Variants in MAGI2 observed in about 807,000 individuals in gnomAD.
The protein encoded by MAGI2 is membrane associated guanylate kinase, WW and PDZ domain containing 2.
Under a neutral mutation model 133.3 loss-of-function variants are expected in MAGI2, and 35 were observed. The observed-to-expected ratio is 0.26, with a 90% confidence interval of 0.20 to 0.35. The LOEUF (loss-of-function observed/expected upper bound fraction) is 0.35, where lower values mean the gene tolerates loss of function less well. MAGI2 is among the 10% of genes least tolerant of loss of function. The pLI is 1.00. For missense variants in MAGI2, 1,636 were observed against 1,863.4 expected, an observed-to-expected ratio of 0.88 and a Z score of 2.25; for synonymous variants, 729 against 710.6, an observed-to-expected ratio of 1.03 and a Z score of -0.41.
intron 3 of MAGI2, among the ~76,000 whole-genome samples, chr7:78,585,269 T>C (rs1803277672): frequency 6.6e-6 from 1 of 152,150 alleles, no homozygotes; most frequent in South Asian, 2.1e-4. Context: ...CTCACTAAAA[T>C]TGTGTTAGAC....
intron 21 of MAGI2, among the ~76,000 whole-genome samples, chr7:78,068,436 G>A (rs1814084982): frequency 6.6e-6 from 1 of 152,106 alleles, no homozygotes; most frequent in Non-Finnish European, 1.5e-5. Context: ...TGTGGACTCT[G>A]AGTGATAACA....
At chr7:78,773,695 C>T (rs1479680318) in intron 2 of MAGI2, among the ~76,000 whole-genome samples, 1 of 152,104 alleles carries the variant, frequency 6.6e-6, no homozygotes, top group Non-Finnish European at 1.5e-5. Context: ...TCGAACTGAG[C>T]CTTTAAGTAT....
intron 20 of MAGI2, among the ~76,000 whole-genome samples, chr7:78,114,766 G>C (rs1819691880): frequency 6.6e-6 from 1 of 152,192 alleles, no homozygotes; most frequent in South Asian, 2.1e-4. Flanking sequence ...GCAGGACTGT[G>C]TGGCAGTGGC....
At chr7:78,111,398 A>T (rs1819346986) in intron 20 of MAGI2, among the ~76,000 whole-genome samples, 1 of 152,174 alleles carries the variant, frequency 6.6e-6, no homozygotes, top group African/African-American at 2.4e-5. Flanking sequence ...CCAAGATGCA[A>T]TCTCAGCCCT....
chr7:79,129,484 T>A (rs1426841765), intron 1 of MAGI2, among the ~76,000 whole-genome samples: 1 of 152,212 alleles, frequency 6.6e-6, no homozygotes, highest in Non-Finnish European at 1.5e-5. Flanking sequence ...TTCAGGATTA[T>A]TAAATCCATC....
In MAGI2 at chr7:78,891,462, C is replaced by T. The variant is rs536643344; in HGVS notation, c.418+115628G>A. Among the ~76,000 whole-genome samples, 268 of 152,206 alleles carry T rather than the reference C, an allele frequency of 1.8e-3. 2 individuals are homozygous for T. The highest frequency in any genetic ancestry group is 6.2e-3 in the African/African-American group (256 of 41,530). ...TTAGACCAATATCCCTGATGAACAT[C>T]GATGCAAACATCCTCAATAAAATAC... is the stretch of plus-strand genomic sequence containing the variant. On this transcript the variant is annotated intron_variant, in intron 2 of 21. Transcript: ENST00000354212.
intron 2 of MAGI2, among the ~76,000 whole-genome samples, chr7:78,787,101 C>T (rs1291390965): frequency 2.0e-5 from 3 of 152,016 alleles, no homozygotes; most frequent in African/African-American, 4.8e-5. Context: ...GTGTGCACCA[C>T]CAGGCCCAGC....
In MAGI2 at chr7:78,609,217, AC is replaced by A. The variant is rs745385672; in HGVS notation, c.538+17902del. ...CTCCTTTGGCAACACCCTCACAGATACACCCAGGATCAATGCTTTGCATCCT... is the reference window on the plus strand; with the variant it reads ...CTCCTTTGGCAACACCCTCACAGATAACCCAGGATCAATGCTTTGCATCCT... On this transcript the variant is annotated intron_variant, in intron 3 of 21. Coordinates refer to ENST00000354212, the MANE Select transcript of MAGI2 (RefSeq NM_012301.4). Among the ~76,000 whole-genome samples the A allele has an allele frequency of 8.3e-4, 126 of 152,324 alleles. 2 individuals carry two copies. The highest frequency in any genetic ancestry group is 1.5e-3 in the Non-Finnish European group (100 of 68,032).
At position 78,193,749 on chromosome 7, in the gene MAGI2, T is replaced by TAA. The variant is rs57498051; in HGVS notation, c.2269+1123_2269+1124dup. ...AGTAGCTCTGATGTAGCCGCTTCTT[T>TAA]AAAAAAAAAAAGTATATGTGGGTTT... is the stretch of plus-strand genomic sequence containing the variant. On this transcript the variant is annotated intron_variant, in intron 12 of 21. Transcript: ENST00000354212. 1.1e-3 allele frequency among the ~76,000 whole-genome samples: 159 copies of TAA among 151,194 alleles called. 2 individuals carry two copies. Among genetic ancestry groups the TAA allele is most frequent in the African/African-American group, 3.4e-3 (141 of 41,202 alleles).
chr7:78,636,827 C>A (rs1373153795), intron 2 of MAGI2, among the ~76,000 whole-genome samples: 1 of 151,864 alleles, frequency 6.6e-6, no homozygotes, highest in Non-Finnish European at 1.5e-5. Flanking sequence ...ACCAAACAAA[C>A]AAAAACAACA....
chr7:79,445,974 T>A (rs372135073), intron 1 of MAGI2, among the ~76,000 whole-genome samples: 4 of 152,218 alleles, frequency 2.6e-5, no homozygotes, highest in African/African-American at 7.2e-5. Flanking sequence ...CACCATGGAA[T>A]ACTATGCAGC....
intron 10 of MAGI2, among the ~76,000 whole-genome samples, chr7:78,209,131 A>T (rs1171919630): frequency 2.2e-5 from 2 of 89,332 alleles, no homozygotes; most frequent in Non-Finnish European, 2.3e-5. Context: ...CTGAGGCAGG[A>T]GAATGGCGTG....
intron 2 of MAGI2, among the ~76,000 whole-genome samples, chr7:78,884,021 A>G (rs1225612494): frequency 1.3e-5 from 2 of 152,210 alleles, no homozygotes; most frequent in Non-Finnish European, 2.9e-5. Context: ...TGATTAAACT[A>G]TTGTGCTTTG....
intron 2 of MAGI2, among the ~76,000 whole-genome samples, chr7:78,787,453 T>C (rs2151359030): frequency 6.6e-6 from 1 of 152,210 alleles, no homozygotes; most frequent in East Asian, 1.9e-4. Context: ...GCAGTTAAAG[T>C]CACAAAGACA....
intron 3 of MAGI2, among the ~76,000 whole-genome samples, chr7:78,591,277 C>T (rs1803973683): frequency 6.6e-6 from 1 of 152,172 alleles, no homozygotes; most frequent in Admixed American, 6.5e-5. Flanking sequence ...AAACAGACCT[C>T]ATTGAGAAAG....
chr7:78,665,726 A>G (rs1387639271), intron 2 of MAGI2, among the ~76,000 whole-genome samples: 1 of 152,170 alleles, frequency 6.6e-6, no homozygotes, highest in African/African-American at 2.4e-5. Flanking sequence ...CCATATATCT[A>G]GGATAAAATG....
intron 2 of MAGI2, among the ~76,000 whole-genome samples, chr7:78,842,586 G>A (rs565859140): frequency 6.6e-6 from 1 of 151,866 alleles, no homozygotes; most frequent in African/African-American, 2.4e-5. Flanking sequence ...ATATAGCCAT[G>A]TTTTTTAGTA....
At chr7:79,339,761 T>C (rs1383648364) in intron 1 of MAGI2, among the ~76,000 whole-genome samples, 3 of 152,138 alleles carry the variant, frequency 2.0e-5, no homozygotes, top group Admixed American at 6.6e-5. Context: ...TTAATGAATA[T>C]CTTGTCTGGA....
At chr7:78,703,609 T>C (rs1818297779) in intron 2 of MAGI2, among the ~76,000 whole-genome samples, 1 of 152,034 alleles carries the variant, frequency 6.6e-6, no homozygotes, top group Non-Finnish European at 1.5e-5. Context: ...CACTTCCCTA[T>C]AGATATGAAT....
Sources: allele counts gnomAD v4.1 joint callset (sites outside exome capture counted in the v4.1 genomes callset), GRCh38; gene constraint gnomAD v4.1.1; transcripts MANE v1.5; gene names NCBI Gene and HGNC (gene_info 2026-07-23, HGNC 2026-07-21).